ADAMTS20: variants seen among roughly 807,000 people sequenced by gnomAD.
ADAMTS20 encodes ADAM metallopeptidase with thrombospondin type 1 motif 20, also known as A disintegrin and metalloproteinase with thrombospondin motifs 20.
In ADAMTS20, 225 loss-of-function variants were observed where a neutral mutation model predicts 260.1. That is an observed-to-expected ratio of 0.87 (90% confidence interval 0.78 to 0.97). The LOEUF is 0.97. ADAMTS20 is among the 50% of genes least tolerant of loss of function. ADAMTS20 has a pLI of 0.00. For missense variants in ADAMTS20, 2,400 were observed against 2,337.7 expected (o/e 1.03, Z -0.55); for synonymous variants, 802 against 769.5 (o/e 1.04, Z -0.70).
At chr12:43,425,372 C>T in intron 28 of ADAMTS20, 142 bp downstream of exon 28, 1 of 663,602 alleles carries the variant, frequency 1.5e-6, no homozygotes, top group Non-Finnish European at 2.2e-6. Context: ...CACACATTTA[C>T]CTATGCAGCA....
chr12:43,457,424 C>T (rs1426084039), intron 11 of ADAMTS20, among the ~76,000 whole-genome samples: 1 of 152,074 alleles, frequency 6.6e-6, no homozygotes, highest in Non-Finnish European at 1.5e-5. Flanking sequence ...TTTTTTAATT[C>T]TTTACTATTA....
intron 11 of ADAMTS20, among the ~76,000 whole-genome samples, chr12:43,458,344 C>T (rs990657827): frequency 1.3e-5 from 2 of 152,222 alleles, no homozygotes; most frequent in African/African-American, 4.8e-5. Context: ...CTGAGACGTT[C>T]CCAAGTTGAA....
chr12:43,416,822 A>G (rs915588664), intron 28 of ADAMTS20, among the ~76,000 whole-genome samples: 1 of 152,180 alleles, frequency 6.6e-6, no homozygotes, highest in Admixed American at 6.5e-5. Context: ...GCGCCCGGCC[A>G]AACTGAACTA....
chr12:43,439,605 A>C lies in ADAMTS20; in HGVS notation c.2593+17T>G. On this transcript the variant is annotated intron_variant, in intron 18 of 38. Transcript: ENST00000389420. Reference sequence around the variant, plus strand: ...ATGCACAGTCAGTCTTTTCTCCCTTATTGAATGCCAGCGTACCTTGACACA... The same window carrying C: ...ATGCACAGTCAGTCTTTTCTCCCTTCTTGAATGCCAGCGTACCTTGACACA... The C allele has an allele frequency of 6.3e-7, 1 of 1,592,146 alleles. No homozygotes were observed. The highest frequency in any genetic ancestry group is 8.5e-7 in the Non-Finnish European group (1 of 1,172,884).
chr12:43,447,429 A>G (rs148260997), intron 14 of ADAMTS20, among the ~76,000 whole-genome samples: 3,653 of 152,314 alleles, frequency 0.024, 69 homozygotes, highest in East Asian at 0.079. Flanking sequence ...AATGCTTTCA[A>G]TAAAATTCAA....
In ADAMTS20 at chr12:43,444,665, G is replaced by A. The variant is rs551389046; in HGVS notation, c.2198-782C>T. 2.0e-5 allele frequency among the ~76,000 whole-genome samples: 3 copies of A among 152,076 alleles called. No homozygotes were observed. In the East Asian group the frequency reaches 5.8e-4, roughly 29 times the overall value. ...CATTACATAGTTGTCCAAATACGCA[G>A]GTTTTTAAATATACAATTAGTTATA... On this transcript the variant is annotated intron_variant, in intron 15 of 38. Coordinates refer to ENST00000389420, the MANE Select transcript of ADAMTS20 (RefSeq NM_025003.5).
chr12:43,519,688 G>T (rs952713093), intron 3 of ADAMTS20, among the ~76,000 whole-genome samples: 1 of 151,980 alleles, frequency 6.6e-6, no homozygotes, highest in African/African-American at 2.4e-5. Context: ...CCTACCCCAT[G>T]GTAAGAAACT....
At chr12:43,532,670 C>T (rs1257923436) in intron 2 of ADAMTS20, among the ~76,000 whole-genome samples, 1 of 102,416 alleles carries the variant, frequency 9.8e-6, no homozygotes, top group African/African-American at 3.7e-5. Flanking sequence ...TGTCATCTAG[C>T]ATTAGGTATA....
chr12:43,386,778 A>C (rs939540377), intron 29 of ADAMTS20, among the ~76,000 whole-genome samples: 3 of 152,098 alleles, frequency 2.0e-5, no homozygotes, highest in Non-Finnish European at 4.4e-5. Flanking sequence ...TCATTGATTC[A>C]GCTATTGATA....
At chr12:43,464,247 C>A (rs1400807992) in intron 10 of ADAMTS20, among the ~76,000 whole-genome samples, 1 of 152,000 alleles carries the variant, frequency 6.6e-6, no homozygotes, top group East Asian at 1.9e-4. Context: ...TCAGATTCAA[C>A]ACACCTATAT....
At chr12:43,511,735 A>G (rs906087461) in intron 3 of ADAMTS20, among the ~76,000 whole-genome samples, 1 of 152,168 alleles carries the variant, frequency 6.6e-6, no homozygotes, top group Non-Finnish European at 1.5e-5. Flanking sequence ...GTCTGTACAC[A>G]GGCTAGAATT....
Position 43,551,150 on chromosome 12 carries a change from A to C in ADAMTS20, c.212T>G (p.Leu71Arg). Residue 71 changes from leucine to arginine, a missense_variant, in exon 2 of 39, where the codon CTG (leucine) becomes CGG (arginine). By Grantham distance (102) the Leu-to-Arg change is moderately radical. Transcript: ENST00000389420. The surrounding 1 kb of genome is among the most constrained non-coding windows in gnomAD (Gnocchi z 4.6). ...GTGGGTTCGGAACGGCATGGGTTCC[A>C]GCGCCTCGGAGCTGCGTTTCTGCCG... ...FSRQKRSSEA[L>R]EPMPFRTHYR... 6.2e-7 allele frequency: 1 copy of C among 1,613,912 alleles called. No homozygotes were observed. Among genetic ancestry groups the C allele is most frequent in the Non-Finnish European group, 8.5e-7 (1 of 1,179,846 alleles).
chr12:43,429,085 C>A (rs986444764), intron 24 of ADAMTS20, among the ~76,000 whole-genome samples: 2 of 151,566 alleles, frequency 1.3e-5, no homozygotes, highest in African/African-American at 4.8e-5. Context: ...ATTAAAGATA[C>A]TTAAAATATT....
At chr12:43,547,361 G>A (rs760192435) in intron 2 of ADAMTS20, among the ~76,000 whole-genome samples, 3 of 152,052 alleles carry the variant, frequency 2.0e-5, no homozygotes, top group Non-Finnish European at 4.4e-5. Context: ...AGGGGGAGGG[G>A]GAAAGGCAAT....
At chr12:43,462,361 T>G (rs1942078211) in intron 11 of ADAMTS20, among the ~76,000 whole-genome samples, 1 of 152,212 alleles carries the variant, frequency 6.6e-6, no homozygotes, top group African/African-American at 2.4e-5. Flanking sequence ...GTGAGCGTTA[T>G]TCAACATCAT....
chr12:43,465,388 T>C (rs2137379841), intron 9 of ADAMTS20, among the ~76,000 whole-genome samples: 1 of 152,146 alleles, frequency 6.6e-6, no homozygotes, highest in East Asian at 1.9e-4. Flanking sequence ...TGGTAATATC[T>C]TTTAACATGC....
At chr12:43,459,039 A>G (rs1472033461) in intron 11 of ADAMTS20, among the ~76,000 whole-genome samples, 20 of 152,198 alleles carry the variant, frequency 1.3e-4, no homozygotes. Context: ...CAGACATTCG[A>G]GCCTGCAATG....
intron 3 of ADAMTS20, among the ~76,000 whole-genome samples, chr12:43,511,667 C>T (rs1407975926): frequency 6.6e-6 from 1 of 152,048 alleles, no homozygotes; most frequent in Non-Finnish European, 1.5e-5. Context: ...AGGAACAATT[C>T]AAAGACAGAT....
chr12:43,359,282 G>A (rs1490297466), intron 37 of ADAMTS20, among the ~76,000 whole-genome samples: 1 of 152,174 alleles, frequency 6.6e-6, no homozygotes, highest in Non-Finnish European at 1.5e-5. Context: ...AAAGAAAAAG[G>A]TAAGTATGGG....
Sources: gnomAD v4.1 joint callset for allele counts (sites outside exome capture counted in the v4.1 genomes callset) on GRCh38, gnomAD v4.1.1 for gene constraint, Gnocchi (gnomAD v3.1) non-coding constraint, MANE v1.5 for transcripts, NCBI Gene and HGNC (gene_info 2026-07-23, HGNC 2026-07-21) for gene names.